SNX19: variants seen among roughly 807,000 people sequenced by gnomAD.
The protein encoded by SNX19 is sorting nexin-19.
A neutral mutation model predicts 85.2 loss-of-function variants in SNX19; 60 were observed. The observed-to-expected ratio is 0.70, with a 90% CI of 0.57 to 0.87. The LOEUF is 0.87. Among genes scored for constraint, SNX19 ranks in the 40% least tolerant of loss-of-function variants. The pLI is 0.00. For missense variants in SNX19, 1,201 were observed against 1,217.8 expected (o/e 0.99, Z 0.21); for synonymous variants, 520 against 470.0 (o/e 1.11, Z -1.38).
At chr11:130,887,999 C>G (rs1370826209) in intron 8 of SNX19, among the ~76,000 whole-genome samples, 1 of 151,942 alleles carries the variant, frequency 6.6e-6, no homozygotes, top group African/African-American at 2.4e-5. Flanking sequence ...ACTTCTCATA[C>G]AGCCGAAGAT....
intron 8 of SNX19, chr11:130,903,019 G>A: frequency 2.2e-6 from 1 of 460,688 alleles, no homozygotes. Flanking sequence ...CACACACAGT[G>A]TCTGCAACTC....
At position 130,915,594 on chromosome 11, in the gene SNX19, A is replaced by G; in HGVS notation, c.346T>C (p.Ser116Pro). The change falls in exon 1 of 11, where the codon TCT (serine) becomes CCT (proline). Residue 116 changes from serine (S) to proline (P), a missense_variant. Around this residue, in one of 3 missense-constraint regions of SNX19, gnomAD observed 791 missense variants for 750.9 expected, o/e 1.05. Transcript: ENST00000265909. ...TCCTGGCTCACGGAACGGTACCAAG[A>G]TAACACAAAATCTCGAATAATCATC... ...IQMIIRDFVL[S>P]WYRSVSQEPA... 6.2e-7 allele frequency: 1 copy of G among 1,614,248 alleles called. No homozygotes were observed. Among genetic ancestry groups the G allele is most frequent in the Non-Finnish European group, 8.5e-7 (1 of 1,180,040 alleles).
At chr11:130,897,134 A>G (rs1335021711) in intron 8 of SNX19, among the ~76,000 whole-genome samples, 1 of 152,130 alleles carries the variant, frequency 6.6e-6, no homozygotes, top group Non-Finnish European at 1.5e-5. Flanking sequence ...CTTCTCTAAG[A>G]AAGTGATTCC....
chr11:130,911,540 C>A, intron 2 of SNX19, 93 bp downstream of exon 2: 1 of 1,573,886 alleles, frequency 6.4e-7, no homozygotes, highest in Admixed American at 1.8e-5. Context: ...AAACGGCATT[C>A]TCCTCCCCGA....
chr11:130,915,807 G>A lies in SNX19; in HGVS notation c.133C>T (p.Leu45=). 1.9e-6 allele frequency: 3 copies of A among 1,614,212 alleles called. No homozygotes were observed. Among genetic ancestry groups the A allele is most frequent in the Non-Finnish European group, 1.7e-6 (2 of 1,180,048 alleles). The change falls in exon 1 of 11, where the codon CTG becomes TTG. Residue 45 remains leucine, a synonymous_variant. Transcript: ENST00000265909. ...LLGWLLVIHL[L]VNVWLLCLLS... ...AGGCACAGCAGCCACACGTTGACCA[G>A]AAGGTGTATGACCAGGAGCCAGCCA...
At position 130,911,776 on chromosome 11, in the gene SNX19, T is replaced by C. The variant is rs1331806348; in HGVS notation, c.1675-5A>G. On this transcript the variant is annotated splice_region_variant and splice_polypyrimidine_tract_variant and intron_variant, in intron 1 of 10. Transcript: ENST00000265909. ...ACCGTCAAGGGCTGTCTCGTACTGT[T>C]CAACGAACAAATTGATTGACTCAAT... is the stretch of plus-strand genomic sequence containing the variant. 1 of 1,613,126 alleles carries C rather than the reference T, an allele frequency of 6.2e-7. No homozygotes were observed. The highest frequency in any genetic ancestry group is 8.5e-7 in the Non-Finnish European group (1 of 1,179,438).
chr11:130,896,206 G>A (rs1944867686), intron 8 of SNX19, among the ~76,000 whole-genome samples: 1 of 152,146 alleles, frequency 6.6e-6, no homozygotes, highest in South Asian at 2.1e-4. Flanking sequence ...GGAAGAGATG[G>A]GGTATAAGAC....
chr11:130,896,331 G>T (rs1479191423), intron 8 of SNX19, among the ~76,000 whole-genome samples: 3 of 152,218 alleles, frequency 2.0e-5, no homozygotes, highest in Non-Finnish European at 4.4e-5. Context: ...TTTCCTGATT[G>T]TGAATAGCAT....
chr11:130,902,520 C>T (rs1036535962), intron 8 of SNX19, among the ~76,000 whole-genome samples: 8 of 152,156 alleles, frequency 5.3e-5, no homozygotes, highest in South Asian at 4.1e-4. Flanking sequence ...TGTGCCAGGA[C>T]GTCTCATAAG....
In SNX19 at chr11:130,915,286, C is replaced by A; in HGVS notation, c.654G>T (p.Leu218Phe). 6.2e-7 allele frequency: 1 copy of A among 1,614,244 alleles called. No homozygotes were observed. Among genetic ancestry groups the A allele is most frequent in the Non-Finnish European group, 8.5e-7 (1 of 1,180,048 alleles). ...EVTYTRGVVN[L>F]LLQGLVPKPH... ...GCTTGGGCACCAGCCCTTGAAGCAA[C>A]AAATTCACAACGCCACGCGTATAGG... The change falls in exon 1 of 11, where the codon TTG (leucine) becomes TTT (phenylalanine). Residue 218 changes from leucine to phenylalanine, a missense_variant. By Grantham distance (22) the Leu-to-Phe change is conservative. Coordinates refer to ENST00000265909, the MANE Select transcript of SNX19 (RefSeq NM_014758.3).
At chr11:130,884,956 A>G (rs1236582136) in intron 8 of SNX19, among the ~76,000 whole-genome samples, 1 of 152,144 alleles carries the variant, frequency 6.6e-6, no homozygotes, top group East Asian at 1.9e-4. Flanking sequence ...AAGATGCATG[A>G]AGTAAATATG....
Position 130,866,999 on chromosome 11 carries a change from T to C in SNX19, c.*11423A>G, listed in dbSNP as rs552499222. Reference sequence around the variant, plus strand: ...ATGAGCATTTAATGGACAAGGAAACTAAGCCACAGAGGTGTGAAATCCCTT... The same window carrying C: ...ATGAGCATTTAATGGACAAGGAAACCAAGCCACAGAGGTGTGAAATCCCTT... On this transcript the variant is annotated 3_prime_UTR_variant, in exon 11 of 11. Transcript: ENST00000265909. 2.0e-5 allele frequency: 3 copies of C among 152,354 alleles called. No individual in the cohort carries two copies. Among genetic ancestry groups the C allele is most frequent in the South Asian group, 2.1e-4 (1 of 4,828 alleles). 9.4% of individuals were successfully genotyped at this position (152,354 alleles called of 1,614,324 possible).
At chr11:130,910,439 CAT>C in intron 2 of SNX19, 69 bp from the exon 3 acceptor site, 1 of 1,163,866 alleles carries the variant, frequency 8.6e-7, no homozygotes, top group South Asian at 1.4e-5. Flanking sequence ...CCATATAAAA[CAT>C]ATAAAGAAAA....
At chr11:130,879,841 A>G (rs1943534902) in intron 9 of SNX19, 130 bp from the exon 10 acceptor site, 1 of 689,838 alleles carries the variant, frequency 1.4e-6, no homozygotes, top group Non-Finnish European at 2.5e-6. Flanking sequence ...TAAACCATAC[A>G]GCCAAACTAA....
intron 8 of SNX19, among the ~76,000 whole-genome samples, chr11:130,882,108 T>C (rs1220703320): frequency 2.0e-5 from 3 of 152,256 alleles, no homozygotes; most frequent in South Asian, 2.1e-4. Context: ...GCTGGAAACC[T>C]AGAAAGTGGT....
Position 130,872,274 on chromosome 11 carries a change from G to A in SNX19, c.*6148C>T, listed in dbSNP as rs1943055257. Among the ~76,000 whole-genome samples, 1 of 152,174 alleles carries A rather than the reference G, an allele frequency of 6.6e-6. No individual in the cohort carries two copies. The highest frequency in any genetic ancestry group is 1.5e-5 in the Non-Finnish European group (1 of 68,034). On this transcript the variant is annotated 3_prime_UTR_variant, in exon 11 of 11. Coordinates refer to ENST00000265909, the MANE Select transcript of SNX19 (RefSeq NM_014758.3). ...GAGGATGACAGGGAGGCAGTGCAAA[G>A]GCTCCGCAAGTCTGAAAATAGCATA... is the stretch of plus-strand genomic sequence containing the variant.
At chr11:130,905,779 T>C (rs1291335931) in intron 7 of SNX19, 174 bp downstream of exon 7, 14 of 1,538,306 alleles carry the variant, frequency 9.1e-6, no homozygotes, top group Admixed American at 2.0e-5. Flanking sequence ...CTGTGGCAAC[T>C]ATGTACTACT....
chr11:130,892,902 GGT>G (rs757404457), intron 8 of SNX19: 18 of 152,368 alleles, frequency 1.2e-4, no homozygotes, highest in Non-Finnish European at 2.6e-4. Context: ...AGGGCAGAGA[GGT>G]GGGGTGGGGA....
At chr11:130,888,785 T>TCATGGGATATAATTCATCTAGGCCATGTA (rs1944280271) in intron 8 of SNX19, among the ~76,000 whole-genome samples, 1 of 152,226 alleles carries the variant, frequency 6.6e-6, no homozygotes, top group African/African-American at 2.4e-5. Context: ...TTGTTAAGTT[T>TCATGGGATATAATTCATCTAGGCCATGTA]CATGGGATAT....
Sources: gnomAD v4.1 joint callset for allele counts (sites outside exome capture counted in the v4.1 genomes callset) on GRCh38, gnomAD v4.1.1 for gene constraint, gnomAD v4.1.1 regional missense constraint, MANE v1.5 for transcripts, NCBI Gene and HGNC (gene_info 2026-07-23, HGNC 2026-07-21) for gene names.